DENND6A: variants seen among roughly 807,000 people sequenced by gnomAD.
The protein encoded by DENND6A is protein DENND6A.
DENND6A carries 43 observed loss-of-function variants against 95.5 expected under a neutral mutation model. That is an observed-to-expected ratio of 0.45 (90% CI 0.35 to 0.58). DENND6A has a LOEUF of 0.58. DENND6A is among the 20% of genes least tolerant of loss of function. The probability of loss-of-function intolerance (pLI) is 0.00; values close to 1 mark genes in which losing one functional copy is unlikely to be tolerated. For synonymous variants in DENND6A, 257 were observed against 260.4 expected (o/e 0.99, Z 0.13); for missense variants, 574 against 736.0 (o/e 0.78, Z 2.55).
At chr3:57,644,365 G>A (rs1181641347) in intron 11 of DENND6A, among the ~76,000 whole-genome samples, 1 of 151,900 alleles carries the variant, frequency 6.6e-6, no homozygotes, top group African/African-American at 2.4e-5. Context: ...GAGTCCAGTG[G>A]CACGATCTGA....
chr3:57,692,971 C>A lies in DENND6A; in HGVS notation c.48G>T (p.Pro16=), dbSNP rs575683987. 3 of 1,533,804 alleles carry A rather than the reference C, an allele frequency of 2.0e-6. No homozygotes were observed. Among genetic ancestry groups the A allele is most frequent in the Non-Finnish European group, 1.7e-6 (2 of 1,148,976 alleles). ...CGGCCCCTGCCACCGCTTCGTCCAACGGCCTTCGAGAGCCGGGCCCCAAGC... is the reference window on the plus strand; with the variant it reads ...CGGCCCCTGCCACCGCTTCGTCCAAAGGCCTTCGAGAGCCGGGCCCCAAGC... ...PAGLGPGSRR[P]LDEAVAGAEG... Residue 16 remains proline, a synonymous_variant, in exon 1 of 20, where the codon CCG becomes CCT. Coordinates refer to ENST00000311128, the MANE Select transcript of DENND6A (RefSeq NM_152678.3).
At chr3:57,635,511 C>T (rs1043518311) in intron 12 of DENND6A, among the ~76,000 whole-genome samples, 1 of 152,158 alleles carries the variant, frequency 6.6e-6, no homozygotes, top group Non-Finnish European at 1.5e-5. Flanking sequence ...CCTCCCTCTT[C>T]TCTGCATAAG....
rs150531582 is a variant in DENND6A, at chr3:57,659,677, C to T, written c.700-497G>A. ...AACATTGTCAAAAATAAGTCCTACT[C>T]GACAGTGACTTGCAAAGCACTTAGG... On this transcript the variant is annotated intron_variant, in intron 7 of 19. Transcript: ENST00000311128. Among the ~76,000 whole-genome samples, 105 of 152,294 alleles carry T rather than the reference C, an allele frequency of 6.9e-4. 1 individual carries two copies. The highest frequency in any genetic ancestry group is 2.3e-3 in the African/African-American group (96 of 41,552).
intron 10 of DENND6A, 21 bp downstream of exon 10, chr3:57,646,295 A>G: frequency 6.3e-7 from 1 of 1,590,104 alleles, no homozygotes; most frequent in East Asian, 2.2e-5. Flanking sequence ...AAACCCAGAA[A>G]TAGTAACCAA....
intron 1 of DENND6A, among the ~76,000 whole-genome samples, chr3:57,674,814 T>C (rs1026507011): frequency 6.6e-6 from 1 of 152,224 alleles, no homozygotes; most frequent in Non-Finnish European, 1.5e-5. Context: ...GGATCATGTC[T>C]TTTATGGGAA....
At chr3:57,642,313 C>CAAAAA (rs10681174) in intron 11 of DENND6A, among the ~76,000 whole-genome samples, 2 of 67,556 alleles carry the variant, frequency 3.0e-5, no homozygotes, top group Non-Finnish European at 5.3e-5. Context: ...GACTCTGTCT[C>CAAAAA]AAAAAAAAAA....
At chr3:57,681,118 C>T (rs549278470) in intron 1 of DENND6A, among the ~76,000 whole-genome samples, 85 of 152,136 alleles carry the variant, frequency 5.6e-4, no homozygotes, top group Admixed American at 1.2e-3. Flanking sequence ...TCATAATAGC[C>T]AAAAAGTAAA....
intron 4 of DENND6A, 32 bp from the exon 5 acceptor site, chr3:57,663,748 G>A (rs553104963): frequency 2.9e-5 from 39 of 1,343,020 alleles, no homozygotes; most frequent in Non-Finnish European, 3.3e-5. Context: ...AGTGTGTGTG[G>A]GGGGGTACAT....
intron 19 of DENND6A, among the ~76,000 whole-genome samples, chr3:57,628,602 T>G (rs2070586745): frequency 6.6e-6 from 1 of 152,250 alleles, no homozygotes; most frequent in African/African-American, 2.4e-5. Flanking sequence ...TATTAGATTC[T>G]ATATACATAA....
At chr3:57,691,921 G>A (rs1402263591) in intron 1 of DENND6A, among the ~76,000 whole-genome samples, 4 of 128,152 alleles carry the variant, frequency 3.1e-5, no homozygotes, top group South Asian at 3.1e-4. Flanking sequence ...CTGTTCCAGA[G>A]GCAACATAAA....
chr3:57,634,657 C>A, intron 13 of DENND6A, 35 bp from the exon 14 acceptor site: 1 of 1,490,418 alleles, frequency 6.7e-7, no homozygotes, highest in East Asian at 2.5e-5. Context: ...ACAAAAAAAC[C>A]CAAGTACCAT....
At chr3:57,661,630 A>C in intron 5 of DENND6A, 79 bp from the exon 6 acceptor site, 1 of 1,133,162 alleles carries the variant, frequency 8.8e-7, no homozygotes, top group South Asian at 1.5e-5. Flanking sequence ...AACAAGCTAA[A>C]TTCAGCAAAA....
At chr3:57,640,905 T>C (rs1486363652) in intron 12 of DENND6A, among the ~76,000 whole-genome samples, 1 of 152,022 alleles carries the variant, frequency 6.6e-6, no homozygotes, top group Admixed American at 6.6e-5. Flanking sequence ...TTCATATACT[T>C]AAACATCTGT....
rs765576525 is a variant in DENND6A, at chr3:57,659,180, C to A, written c.700G>T (p.Val234Leu). 15 of 1,613,652 alleles carry A rather than the reference C, an allele frequency of 9.3e-6. 2 individuals are homozygous for A. In the South Asian group the frequency reaches 1.5e-4, roughly 17 times the overall value. Reference protein sequence around the residue: ...HLPIMGVVMKVRIPTCHDKPG... With the variant: ...HLPIMGVVMKLRIPTCHDKPG... ...TTGTCATGACATGTGGGAATCCGTA[C>A]CTAAAAGAAAGACAGGAAATTATTT... is the stretch of plus-strand genomic sequence containing the variant. Residue 234 changes from valine to leucine, a missense_variant and splice_region_variant, in exon 8 of 20, where the codon GTA becomes TTA. Val to Leu is a conservative substitution (Grantham distance 32). Around this residue, in one of 2 missense-constraint regions of DENND6A, gnomAD observed 452 missense variants for 630.9 expected, o/e 0.72. Transcript: ENST00000311128.
chr3:57,681,272 T>C (rs2077161408), intron 1 of DENND6A, among the ~76,000 whole-genome samples: 1 of 151,988 alleles, frequency 6.6e-6, no homozygotes, highest in South Asian at 2.1e-4. Flanking sequence ...GACACCATCC[T>C]GGCTAACACA....
At chr3:57,674,317 G>A (rs1259662892) in intron 1 of DENND6A, among the ~76,000 whole-genome samples, 3 of 151,816 alleles carry the variant, frequency 2.0e-5, no homozygotes, top group Non-Finnish European at 2.9e-5. Context: ...AGGTTGCAGC[G>A]AGCCAAGATC....
chr3:57,650,738 G>C (rs1311458448), intron 9 of DENND6A, among the ~76,000 whole-genome samples: 1 of 151,260 alleles, frequency 6.6e-6, no homozygotes, highest in Non-Finnish European at 1.5e-5. Flanking sequence ...ATCCAAACCT[G>C]CATCAAAAGG....
intron 7 of DENND6A, among the ~76,000 whole-genome samples, chr3:57,659,646 A>C (rs1356821157): frequency 6.6e-6 from 1 of 152,240 alleles, no homozygotes; most frequent in Non-Finnish European, 1.5e-5. Context: ...CCAAATGCAG[A>C]GAGAGAACAT....
intron 15 of DENND6A, chr3:57,631,201 A>T: frequency 4.0e-6 from 2 of 498,710 alleles, no homozygotes; most frequent in Non-Finnish European, 7.1e-6. Flanking sequence ...AGGGGACTAC[A>T]TTTTTTCTTT....
Sources: gnomAD v4.1 joint callset for allele counts (sites outside exome capture counted in the v4.1 genomes callset) on GRCh38, gnomAD v4.1.1 for gene constraint, gnomAD v4.1.1 regional missense constraint, MANE v1.5 for transcripts, NCBI Gene and HGNC (gene_info 2026-07-23, HGNC 2026-07-21) for gene names.